SYCE1L: variants seen among roughly 807,000 people sequenced by gnomAD.
SYCE1L encodes synaptonemal complex central element protein 1-like.
A neutral mutation model predicts 39.6 loss-of-function variants in SYCE1L; 51 were observed. The ratio of observed to expected loss-of-function variants is 1.29; its 90% CI spans 1.03 to 1.63. The LOEUF is 1.63. SYCE1L is among the 40% of genes most tolerant of loss of function. The probability of loss-of-function intolerance (pLI) is 0.00; values close to 1 mark genes in which losing one functional copy is unlikely to be tolerated. For missense variants in SYCE1L, 426 were observed against 304.9 expected (o/e 1.40, Z -2.96); for synonymous variants, 147 against 122.4 (o/e 1.20, Z -1.33).
intron 2 of SYCE1L, among the ~76,000 whole-genome samples, chr16:77,206,816 TGC>T (rs2054788784): frequency 8.4e-6 from 1 of 119,398 alleles, no homozygotes; most frequent in African/African-American, 2.6e-5. Context: ...TTTTAAAAAA[TGC>T]ATTCATGGAT....
chr16:77,210,067 CATCATTTCTCCAATCAGCT>C (rs2054812042), intron 6 of SYCE1L, among the ~76,000 whole-genome samples: 1 of 152,196 alleles, frequency 6.6e-6, no homozygotes, highest in Admixed American at 6.5e-5. Context: ...TTCCTCTACT[CATCATTTCTCCAATCAGCT>C]ATCATTTCTC....
At chr16:77,201,023 A>C (rs528227016) in intron 1 of SYCE1L, 1 of 152,198 alleles carries the variant, frequency 6.6e-6, no homozygotes, top group Non-Finnish European at 1.5e-5. Flanking sequence ...AGACCTACCC[A>C]TACAGACATC....
chr16:77,212,463 C>T, intron 9 of SYCE1L, 94 bp downstream of exon 9: 1 of 1,540,222 alleles, frequency 6.5e-7, no homozygotes. Flanking sequence ...CTGCCGCTTC[C>T]CCGGCCTGTG....
At position 77,212,165 on chromosome 16, in the gene SYCE1L, CCTGGAG is replaced by C; in HGVS notation, c.460_465del (p.Leu154_Glu155del). On this transcript the variant is annotated inframe_deletion, in exon 8 of 11. Coordinates refer to ENST00000378644, the MANE Select transcript of SYCE1L (RefSeq NM_001129979.3). The stretch of plus-strand genomic sequence containing the variant: ...AGCGACTGGCCCGGGAGATCCGTGC[CCTGGAG>C]AGAAGCAAGGAGCAGCTGCTCTCGG... 1.3e-6 allele frequency: 2 copies of C among 1,549,292 alleles called. No homozygotes were observed. Among genetic ancestry groups the C allele is most frequent in the African/African-American group, 1.4e-5 (1 of 73,094 alleles).
At chr16:77,201,479 T>C (rs1464501521) in intron 1 of SYCE1L, 1 of 152,216 alleles carries the variant, frequency 6.6e-6, no homozygotes. Flanking sequence ...GACGACCTTG[T>C]AGAGAAACAG....
intron 9 of SYCE1L, 83 bp from the exon 10 acceptor site, chr16:77,212,491 G>C: frequency 6.5e-7 from 1 of 1,539,000 alleles, no homozygotes; most frequent in South Asian, 1.2e-5. Flanking sequence ...CGGCGTCGTC[G>C]GGTCTCCGCG....
chr16:77,203,735 C>T (rs2054763980), intron 1 of SYCE1L, among the ~76,000 whole-genome samples: 1 of 151,876 alleles, frequency 6.6e-6, no homozygotes, highest in African/African-American at 2.4e-5. Flanking sequence ...GCTGGGATTA[C>T]AGGCGTGCAT....
rs886314725 is a variant in SYCE1L, at chr16:77,203,157, G to A, written c.62-3284G>A. 2.0e-5 allele frequency among the ~76,000 whole-genome samples: 3 copies of A among 152,088 alleles called. No individual in the cohort carries two copies. In the South Asian group the frequency reaches 6.2e-4, roughly 32 times the overall value. On this transcript the variant is annotated intron_variant, in intron 1 of 10. Coordinates refer to ENST00000378644, the MANE Select transcript of SYCE1L (RefSeq NM_001129979.3). ...TTTGAATTTTCTTAGAATTTTACTC[G>A]AATAAGAAAGTAAAAATTAAAGCAA... is the stretch of plus-strand genomic sequence containing the variant.
intron 1 of SYCE1L, among the ~76,000 whole-genome samples, chr16:77,204,436 G>A (rs1460840141): frequency 6.6e-6 from 1 of 152,166 alleles, no homozygotes; most frequent in Admixed American, 6.5e-5. Flanking sequence ...CTTATAAGTA[G>A]AGGGAAATAT....
chr16:77,202,732 G>C (rs1457244886), intron 1 of SYCE1L, among the ~76,000 whole-genome samples: 3 of 152,174 alleles, frequency 2.0e-5, no homozygotes, highest in Non-Finnish European at 4.4e-5. Flanking sequence ...TCCTAATGAA[G>C]TTTCTGGGAA....
intron 6 of SYCE1L, among the ~76,000 whole-genome samples, 200 bp downstream of exon 6, chr16:77,209,671 T>G (rs551339826): frequency 6.6e-6 from 1 of 152,268 alleles, no homozygotes; most frequent in Non-Finnish European, 1.5e-5. Flanking sequence ...TAATTATTCG[T>G]TACTAATTTC....
In SYCE1L at chr16:77,212,479, C is replaced by T. The variant is rs989746858; in HGVS notation, c.582-95C>T. On this transcript the variant is annotated intron_variant, in intron 9 of 10. Coordinates refer to ENST00000378644, the MANE Select transcript of SYCE1L (RefSeq NM_001129979.3). Reference sequence around the variant, plus strand: ...TGCCGCTTCCCCGGCCTGTGCCTCCCTCGGCGTCGTCGGGTCTCCGCGTCT... The same window carrying T: ...TGCCGCTTCCCCGGCCTGTGCCTCCTTCGGCGTCGTCGGGTCTCCGCGTCT... The T allele has an allele frequency of 5.3e-5, 82 of 1,539,716 alleles. No individual in the cohort carries two copies. In the East Asian group the frequency reaches 1.9e-3, roughly 36 times the overall value.
At position 77,211,294 on chromosome 16, in the gene SYCE1L, C is replaced by T; in HGVS notation, c.423+18C>T. ...AATTCCACGTGAGCCATTATCATTG[C>T]CTGCAACCAAAGCCACTCCTCCCTG... On this transcript the variant is annotated intron_variant, in intron 7 of 10. Transcript: ENST00000378644. 1 of 1,551,856 alleles carries T rather than the reference C, an allele frequency of 6.4e-7. No homozygotes were observed. The highest frequency in any genetic ancestry group is 8.7e-7 in the Non-Finnish European group (1 of 1,146,988).
At chr16:77,209,049 G>C (rs776230054) in intron 4 of SYCE1L, 48 bp from the exon 5 acceptor site, 74 of 1,545,930 alleles carry the variant, frequency 4.8e-5, no homozygotes, top group Non-Finnish European at 6.2e-5. Flanking sequence ...TTGCACTGGG[G>C]ATGGCAATGG....
intron 1 of SYCE1L, chr16:77,200,240 A>G (rs1426753049): frequency 2.3e-5 from 3 of 132,570 alleles, no homozygotes; most frequent in Non-Finnish European, 4.8e-5. Context: ...GTGTATATAT[A>G]TATATATGTA....
chr16:77,208,283 C>G lies in SYCE1L; in HGVS notation c.181+14C>G. 5 of 1,551,500 alleles carry G rather than the reference C, an allele frequency of 3.2e-6. No individual in the cohort carries two copies. The highest frequency in any genetic ancestry group is 1.2e-5 in the South Asian group (1 of 84,044). On this transcript the variant is annotated intron_variant, in intron 3 of 10. Transcript: ENST00000378644. ...ATCTTCAGCAAGGTAAACTTGGGGA[C>G]TTAGACTGGCCAGCTGGGGCGAGCA...
In SYCE1L at chr16:77,199,617, A is replaced by T. The variant is rs76154891; in HGVS notation, c.61+105A>T. On this transcript the variant is annotated intron_variant, in intron 1 of 10. Coordinates refer to ENST00000378644, the MANE Select transcript of SYCE1L (RefSeq NM_001129979.3). ...GAAATAATGATATTCTAATTTTTTT[A>T]AATAAAATGTTAAGCCTTTTGTTAT... 2.2e-4 allele frequency: 217 copies of T among 994,838 alleles called. No individual in the cohort carries two copies. In the African/African-American group the frequency reaches 3.2e-3, roughly 15 times the overall value. 61.6% of individuals were successfully genotyped at this position (994,838 alleles called of 1,614,324 possible). A position where few individuals can be genotyped will look rare whatever the true frequency, so the allele number is the denominator to read the frequency against.
intron 10 of SYCE1L, 48 bp downstream of exon 10, chr16:77,212,694 G>A: frequency 6.7e-7 from 1 of 1,488,468 alleles, no homozygotes; most frequent in Non-Finnish European, 8.9e-7. Flanking sequence ...ACCGAGTCAG[G>A]AGAGAGCGGG....
rs1326718822 is a variant in SYCE1L at position 77,208,257 on chromosome 16, G to T, written c.169G>T (p.Asp57Tyr). 1.3e-6 allele frequency: 2 copies of T among 1,551,722 alleles called. No homozygotes were observed. Among genetic ancestry groups the T allele is most frequent in the Admixed American group, 3.9e-5 (2 of 51,000 alleles). The change falls in exon 3 of 11, where the codon GAT (aspartate) becomes TAT (tyrosine). Residue 57 changes from aspartate to tyrosine, a missense_variant. Asp to Tyr is a radical substitution (Grantham distance 160, BLOSUM62 -3). Transcript: ENST00000378644. ...QIEDLISRIN[D>Y]LQQAKKKSSE... ...AGAGGACCTGATTAGCCGGATTAAT[G>T]ATCTTCAGCAAGGTAAACTTGGGGA...
Sources: allele counts gnomAD v4.1 joint callset (sites outside exome capture counted in the v4.1 genomes callset), GRCh38; gene constraint gnomAD v4.1.1; transcripts MANE v1.5; gene names NCBI Gene and HGNC (gene_info 2026-07-23, HGNC 2026-07-21).